ANKH: variants seen among roughly 807,000 people sequenced by gnomAD.
ANKH encodes mineralization regulator ANKH.
ANKH carries 15 observed loss-of-function variants against 49.0 expected under a neutral mutation model. The observed-to-expected ratio is 0.31, with a 90% CI of 0.20 to 0.47. The LOEUF (loss-of-function observed/expected upper bound fraction) is 0.47. Ranked by LOEUF, ANKH falls within the 20% of genes least tolerant of loss-of-function variation. The probability of loss-of-function intolerance (pLI) is 1.00; values close to 1 mark genes in which losing one functional copy is unlikely to be tolerated. For synonymous variants in ANKH, 273 were observed against 260.0 expected (o/e 1.05, Z -0.48); for missense variants, 429 against 652.0 (o/e 0.66, Z 3.72).
At chr5:14,854,756 C>G (rs868180782) in intron 1 of ANKH, among the ~76,000 whole-genome samples, 1 of 152,160 alleles carries the variant, frequency 6.6e-6, no homozygotes, top group South Asian at 2.1e-4. Flanking sequence ...CCCATCTGAT[C>G]AGAGCCAGGT....
intron 2 of ANKH, among the ~76,000 whole-genome samples, chr5:14,767,106 G>C (rs755361494): frequency 1.3e-5 from 2 of 152,222 alleles, no homozygotes; most frequent in East Asian, 3.8e-4. Flanking sequence ...GAATGGCTGG[G>C]GGGTGGAGAG....
At chr5:14,849,002 G>C (rs1292251295) in intron 1 of ANKH, among the ~76,000 whole-genome samples, 1 of 152,142 alleles carries the variant, frequency 6.6e-6, no homozygotes, top group Non-Finnish European at 1.5e-5. Flanking sequence ...CTGATTGGTC[G>C]GGTGTGAGCT....
intron 11 of ANKH, 50 bp from the exon 12 acceptor site, chr5:14,711,360 ACAG>A (rs1444700342): frequency 2.0e-6 from 3 of 1,498,712 alleles, no homozygotes; most frequent in South Asian, 2.3e-5. Context: ...GGGACACTGC[ACAG>A]CAGAACCACG....
intron 9 of ANKH, among the ~76,000 whole-genome samples, chr5:14,716,440 C>G (rs192457604): frequency 1.2e-3 from 177 of 151,956 alleles, no homozygotes; most frequent in Non-Finnish European, 2.0e-3. Context: ...TGCAGTGAGC[C>G]GACATTGTGC....
In ANKH at chr5:14,710,313, C is replaced by G. The variant is rs1227967533; in HGVS notation, c.*884G>C. 6.6e-6 allele frequency: 1 copy of G among 152,226 alleles called. No individual in the cohort carries two copies. Among genetic ancestry groups the G allele is most frequent in the Non-Finnish European group, 1.5e-5 (1 of 68,038 alleles). The allele number at this position is 152,226 out of a possible 1,614,324, so 9.4% of individuals were successfully genotyped here. A position where few individuals can be genotyped will look rare whatever the true frequency, so the allele number is the denominator to read the frequency against. ...TGCAAAGTTAGGATGCTCCATGTGA[C>G]TCGCTCTAATGCGACCTTCAGGAAA... On this transcript the variant is annotated 3_prime_UTR_variant, in exon 12 of 12. Transcript: ENST00000284268.
intron 2 of ANKH, among the ~76,000 whole-genome samples, chr5:14,763,233 TA>T (rs1288934348): frequency 6.6e-6 from 1 of 152,374 alleles, no homozygotes; most frequent in African/African-American, 2.4e-5. Flanking sequence ...CCTCAATGTT[TA>T]AAAGTCTCAC....
intron 1 of ANKH, chr5:14,869,884 C>T (rs1283582807): frequency 1.3e-5 from 2 of 152,152 alleles, no homozygotes; most frequent in Non-Finnish European, 2.9e-5. Context: ...AGAAGGTAAG[C>T]CTTAAAATAG....
At chr5:14,856,959 TCA>T (rs1343878422) in intron 1 of ANKH, among the ~76,000 whole-genome samples, 18 of 152,240 alleles carry the variant, frequency 1.2e-4, no homozygotes, top group Non-Finnish European at 1.5e-5. Context: ...ACCCATATGT[TCA>T]CAGGGAAGCA....
At chr5:14,826,116 C>T (rs1741334638) in intron 1 of ANKH, 2 of 153,760 alleles carry the variant, frequency 1.3e-5, no homozygotes, top group South Asian at 4.1e-4. Context: ...ACCTAATAAC[C>T]ATAGCATGTT....
At chr5:14,858,948 T>A (rs937205373) in intron 1 of ANKH, among the ~76,000 whole-genome samples, 5 of 151,988 alleles carry the variant, frequency 3.3e-5, no homozygotes, top group Non-Finnish European at 5.9e-5. Context: ...CTTTTTTTTT[T>A]AAAAGGGAGA....
chr5:14,746,921 A>G (rs1048307712), intron 6 of ANKH, among the ~76,000 whole-genome samples: 1 of 152,222 alleles, frequency 6.6e-6, no homozygotes, highest in African/African-American at 2.4e-5. Context: ...TGCTCTGAGA[A>G]GCCAAGATTT....
intron 11 of ANKH, among the ~76,000 whole-genome samples, chr5:14,712,669 CTG>C (rs1257794912): frequency 6.6e-6 from 1 of 152,254 alleles, no homozygotes; most frequent in East Asian, 1.9e-4. Flanking sequence ...AAGGGACTGT[CTG>C]TACTTGCTGC....
At chr5:14,775,282 T>G (rs1169721922) in intron 1 of ANKH, among the ~76,000 whole-genome samples, 1 of 152,104 alleles carries the variant, frequency 6.6e-6, no homozygotes, top group Non-Finnish European at 1.5e-5. Context: ...TGGCCCAGGC[T>G]GGTCTTGGCT....
chr5:14,763,759 G>A (rs1739167980), intron 2 of ANKH, among the ~76,000 whole-genome samples: 1 of 152,210 alleles, frequency 6.6e-6, no homozygotes, highest in African/African-American at 2.4e-5. Context: ...CCAGTGTGCT[G>A]ATTGAATAAA....
intron 1 of ANKH, among the ~76,000 whole-genome samples, chr5:14,811,852 A>G (rs953310995): frequency 3.9e-5 from 6 of 152,194 alleles, no homozygotes; most frequent in Admixed American, 6.5e-5. Flanking sequence ...TAAAGATTCC[A>G]TGCTTGATAT....
Position 14,770,485 on chromosome 5 carries a change from G to A in ANKH, c.97-1294C>T, listed in dbSNP as rs1036183655. Among the ~76,000 whole-genome samples, 2 of 152,126 alleles carry A rather than the reference G, an allele frequency of 1.3e-5. No homozygotes were observed. Among genetic ancestry groups the A allele is most frequent in the African/African-American group, 4.8e-5 (2 of 41,416 alleles). ...AAGTTTAATTTATAAATTAGGCACA[G>A]TAAGAGATTAACAACAATAATAATC... On this transcript the variant is annotated intron_variant, in intron 1 of 11. Coordinates refer to ENST00000284268, the MANE Select transcript of ANKH (RefSeq NM_054027.6). This position sits in a 1 kb window ranked among gnomAD's most constrained non-coding sequence, Gnocchi z 4.1.
At chr5:14,844,500 T>C (rs1318666398) in intron 1 of ANKH, among the ~76,000 whole-genome samples, 1 of 152,258 alleles carries the variant, frequency 6.6e-6, no homozygotes, top group African/African-American at 2.4e-5. Context: ...GGCTTCAGCC[T>C]TGCTCTCACT....
chr5:14,846,567 A>G (rs1275843263), intron 1 of ANKH, among the ~76,000 whole-genome samples: 1 of 152,238 alleles, frequency 6.6e-6, no homozygotes, highest in East Asian at 1.9e-4. Context: ...AGCAAGTGAC[A>G]AAGTCCCAGA....
Position 14,761,138 on chromosome 5 carries a change from C to T in ANKH, c.314-2540G>A, listed in dbSNP as rs532720393. 2.6e-5 allele frequency among the ~76,000 whole-genome samples: 4 copies of T among 152,266 alleles called. No homozygotes were observed. In the East Asian group the frequency reaches 7.7e-4, roughly 29 times the overall value. ...GCCCAGGAATGCCAAAGATTGCCAGCAAACACCCAGAAGCTAGGGGAGAGG... is the reference window on the plus strand; with the variant it reads ...GCCCAGGAATGCCAAAGATTGCCAGTAAACACCCAGAAGCTAGGGGAGAGG... On this transcript the variant is annotated intron_variant, in intron 2 of 11. Coordinates refer to ENST00000284268, the MANE Select transcript of ANKH (RefSeq NM_054027.6).
Sources: allele counts gnomAD v4.1 joint callset (sites outside exome capture counted in the v4.1 genomes callset), GRCh38; gene constraint gnomAD v4.1.1; non-coding constraint Gnocchi (gnomAD v3.1); transcripts MANE v1.5; gene names NCBI Gene and HGNC (gene_info 2026-07-23, HGNC 2026-07-21).